The following ITPR1 variants were observed in gnomAD, a reference collection of about 807,000 sequenced individuals.
ITPR1 encodes inositol 1,4,5-trisphosphate receptor type 1, also known as inositol 1,4,5-trisphosphate-gated calcium channel ITPR1.
A neutral mutation model predicts 318.4 loss-of-function variants in ITPR1; 96 were observed. That is an observed-to-expected ratio of 0.30 (90% CI 0.26 to 0.36). ITPR1 has a LOEUF of 0.36. Among genes scored for constraint, ITPR1 ranks in the 10% least tolerant of loss-of-function variants. The pLI is 1.00. For synonymous variants in ITPR1, 1,312 were observed against 1,289.9 expected (o/e 1.02, Z -0.37); for missense variants, 2,440 against 3,460.2 (o/e 0.71, Z 7.40).
intron 44 of ITPR1, among the ~76,000 whole-genome samples, chr3:4,760,511 C>T (rs908681947): frequency 6.6e-6 from 1 of 152,314 alleles, no homozygotes; most frequent in Non-Finnish European, 1.5e-5. Flanking sequence ...TGTTTCTATA[C>T]CCATTGTACC....
intron 44 of ITPR1, among the ~76,000 whole-genome samples, chr3:4,764,111 G>A (rs192547861): frequency 7.9e-5 from 12 of 152,358 alleles, no homozygotes; most frequent in Admixed American, 2.0e-4. Context: ...TGGATGGTCT[G>A]TCTTGGTGAG....
intron 2 of ITPR1, among the ~76,000 whole-genome samples, chr3:4,502,323 G>GT (rs539883546): frequency 4.6e-5 from 7 of 152,038 alleles, no homozygotes; most frequent in East Asian, 1.9e-4. Context: ...GGCCTTTTGT[G>GT]TTTTTTTAAC....
At chr3:4,808,405 A>G (rs1047422428) in intron 55 of ITPR1, among the ~76,000 whole-genome samples, 10 of 152,194 alleles carry the variant, frequency 6.6e-5, no homozygotes, top group African/African-American at 2.2e-4. Context: ...CATCAGTGAA[A>G]CTGGCATTTC....
At chr3:4,531,389 T>G (rs2083401082) in intron 4 of ITPR1, among the ~76,000 whole-genome samples, 4 of 152,170 alleles carry the variant, frequency 2.6e-5, no homozygotes, top group Admixed American at 1.3e-4. Context: ...TCCTCACCTG[T>G]TTCTGTAATT....
At chr3:4,539,984 C>CAAAAA (rs749264815) in intron 4 of ITPR1, among the ~76,000 whole-genome samples, 1 of 94,510 alleles carries the variant, frequency 1.1e-5, no homozygotes, top group Admixed American at 1.2e-4. Context: ...GACTAAGATG[C>CAAAAA]AAAAAAAAAA....
chr3:4,846,066 A>C lies in ITPR1; in HGVS notation c.8191-73A>C, dbSNP rs2051755213. The C allele has an allele frequency of 5.9e-6, 5 of 845,410 alleles. No homozygotes were observed. The Admixed American group carries it at 1.3e-4, about 22-fold the overall frequency. The allele number at this position is 845,410 out of a possible 1,614,324, so 52.4% of individuals were successfully genotyped here. Reference sequence around the variant, plus strand: ...GTATAAACCATAACCACAGAGGTAAATCTATGGTTCAGTATGCGATTTGAC... The same window carrying C: ...GTATAAACCATAACCACAGAGGTAACTCTATGGTTCAGTATGCGATTTGAC... On this transcript the variant is annotated intron_variant, in intron 61 of 61. Transcript: ENST00000649015.
At chr3:4,817,215 G>T (rs2049360724) in intron 59 of ITPR1, among the ~76,000 whole-genome samples, 1 of 152,160 alleles carries the variant, frequency 6.6e-6, no homozygotes, top group South Asian at 2.1e-4. Context: ...TCTCCAAAGA[G>T]CCCCGGTTCT....
intron 40 of ITPR1, among the ~76,000 whole-genome samples, chr3:4,723,928 G>C (rs559740303): frequency 1.3e-5 from 2 of 152,226 alleles, no homozygotes; most frequent in Non-Finnish European, 1.5e-5. Flanking sequence ...TTTGCACTAA[G>C]GGAAGATAGC....
At chr3:4,695,130 G>A (rs1390022933) in intron 33 of ITPR1, among the ~76,000 whole-genome samples, 2 of 152,176 alleles carry the variant, frequency 1.3e-5, no homozygotes, top group South Asian at 2.1e-4. Flanking sequence ...CTTTGTAAGT[G>A]TGGAACTAAT....
At chr3:4,683,069 T>A (rs2094330147) in intron 26 of ITPR1, among the ~76,000 whole-genome samples, 1 of 152,202 alleles carries the variant, frequency 6.6e-6, no homozygotes, top group South Asian at 2.1e-4. Flanking sequence ...ACACATCCTC[T>A]TGCAGTTCTC....
rs746307898 is a variant in ITPR1 at position 4,645,507 on chromosome 3, C to T, written c.708+37C>T. On this transcript the variant is annotated intron_variant, in intron 9 of 61. Transcript: ENST00000649015. ...GCTTTATGGGCTGAGCATTACTTGG[C>T]TCTTCTTGGGGGCAGCAGTCTAATT... 1.0e-5 allele frequency: 16 copies of T among 1,604,816 alleles called. No homozygotes were observed. The African/African-American group carries it at 2.0e-4, about 20-fold the overall frequency.
intron 42 of ITPR1, among the ~76,000 whole-genome samples, chr3:4,730,418 TG>T (rs367721532): frequency 0.18 from 17,141 of 97,320 alleles, 1,792 homozygotes; most frequent in East Asian, 0.54. Flanking sequence ...TGTGTGTGTG[TG>T]TTTCCCCCAG....
intron 4 of ITPR1, among the ~76,000 whole-genome samples, chr3:4,531,383 C>T (rs2083400712): frequency 6.6e-6 from 1 of 152,186 alleles, no homozygotes. Flanking sequence ...ACAGACTCCT[C>T]ACCTGTTTCT....
intron 12 of ITPR1, among the ~76,000 whole-genome samples, chr3:4,656,187 A>T (rs1445404222): frequency 6.6e-6 from 1 of 152,188 alleles, no homozygotes; most frequent in Non-Finnish European, 1.5e-5. Context: ...CGACTGCACA[A>T]TGAAAGGATG....
intron 33 of ITPR1, among the ~76,000 whole-genome samples, chr3:4,696,060 TC>T (rs1670528775): frequency 2.6e-5 from 4 of 152,254 alleles, no homozygotes; most frequent in Admixed American, 2.6e-4. Context: ...ATTATTTTTT[TC>T]AATTTGATGG....
intron 44 of ITPR1, among the ~76,000 whole-genome samples, chr3:4,753,945 C>T (rs1308486709): frequency 6.6e-6 from 1 of 151,918 alleles, no homozygotes; most frequent in Non-Finnish European, 1.5e-5. Context: ...TGTCCAAACC[C>T]ACCCAGTTCC....
chr3:4,508,494 T>C, intron 2 of ITPR1, among the ~76,000 whole-genome samples: 1 of 145,062 alleles, frequency 6.9e-6, no homozygotes, highest in Non-Finnish European at 1.5e-5. Context: ...TGTAATGCAA[T>C]TAGTTAAGTG....
chr3:4,806,345 C>G (rs769365998), intron 55 of ITPR1, 78 bp downstream of exon 55: 16 of 1,378,732 alleles, frequency 1.2e-5, no homozygotes, highest in Non-Finnish European at 1.5e-5. Flanking sequence ...CATCACAGAC[C>G]CTTCCTTTTA....
intron 4 of ITPR1, among the ~76,000 whole-genome samples, chr3:4,523,441 T>C (rs970158693): frequency 4.1e-5 from 6 of 145,138 alleles, no homozygotes; most frequent in South Asian, 2.2e-4. Flanking sequence ...TTTTTTTTGG[T>C]GAGAACATTT....
Sources: gnomAD v4.1 joint callset for allele counts (sites outside exome capture counted in the v4.1 genomes callset) on GRCh38, gnomAD v4.1.1 for gene constraint, MANE v1.5 for transcripts, NCBI Gene and HGNC (gene_info 2026-07-23, HGNC 2026-07-21) for gene names.